The following KDM1B variants were observed in gnomAD, a reference collection of about 807,000 sequenced individuals.
KDM1B encodes lysine demethylase 1B.
KDM1B carries 63 observed loss-of-function variants against 107.4 expected under a neutral mutation model. The observed-to-expected ratio is 0.59, with a 90% CI of 0.48 to 0.72. The LOEUF (loss-of-function observed/expected upper bound fraction) is 0.72, where lower values mean the gene tolerates loss of function less well. Among genes scored for constraint, KDM1B ranks in the 30% least tolerant of loss-of-function variants. KDM1B has a pLI of 0.00. For synonymous variants in KDM1B, 363 were observed against 363.9 expected (o/e 1.00, Z 0.03); for missense variants, 749 against 1,020.8 (o/e 0.73, Z 3.63).
chr6:18,180,595 T>G (rs1162979858), intron 7 of KDM1B, among the ~76,000 whole-genome samples: 2 of 152,188 alleles, frequency 1.3e-5, no homozygotes, highest in African/African-American at 4.8e-5. Context: ...AGAAGGAGTC[T>G]TGTTCTATTG....
In KDM1B at chr6:18,213,598, T is replaced by C. The variant is rs1448076568; in HGVS notation, c.1984-58T>C. ...AGAGCTACAGGTTGCTGCTTAGATA[T>C]TGCCTGTGGTTTTGTGACGACAGAC... On this transcript the variant is annotated intron_variant, in intron 18 of 21. Coordinates refer to ENST00000650836, the MANE Select transcript of KDM1B (RefSeq NM_001364614.2). This position sits in a 1 kb window ranked among gnomAD's most constrained non-coding sequence, Gnocchi z 5.9. 3.1e-6 allele frequency: 5 copies of C among 1,598,142 alleles called. No individual in the cohort carries two copies. Among genetic ancestry groups the C allele is most frequent in the East Asian group, 2.2e-5 (1 of 44,726 alleles).
intron 6 of KDM1B, among the ~76,000 whole-genome samples, chr6:18,167,764 A>G (rs1205580153): frequency 2.0e-5 from 3 of 151,654 alleles, no homozygotes; most frequent in East Asian, 2.0e-4. Context: ...ATGAGCCACA[A>G]TGCCCAATTT....
rs748309895 is a variant in KDM1B, at chr6:18,213,626, C to T, written c.1984-30C>T. 2.4e-5 allele frequency: 38 copies of T among 1,613,148 alleles called. No homozygotes were observed. Among genetic ancestry groups the T allele is most frequent in the Non-Finnish European group, 3.1e-5 (36 of 1,179,386 alleles). On this transcript the variant is annotated intron_variant, in intron 18 of 21. Coordinates refer to ENST00000650836, the MANE Select transcript of KDM1B (RefSeq NM_001364614.2). The surrounding 1 kb of genome is among the most constrained non-coding windows in gnomAD (Gnocchi z 5.9). The stretch of plus-strand genomic sequence containing the variant: ...CCTGTGGTTTTGTGACGACAGACAC[C>T]TAACCACCTTTCTTCTGCTCACTTT...
intron 7 of KDM1B, among the ~76,000 whole-genome samples, chr6:18,175,399 A>G (rs1029862940): frequency 3.3e-5 from 5 of 152,060 alleles, no homozygotes; most frequent in African/African-American, 1.2e-4. Context: ...TGTCAGATGT[A>G]TAGGTTGTGA....
chr6:18,193,981 C>T (rs777124092), intron 10 of KDM1B, among the ~76,000 whole-genome samples: 38 of 151,976 alleles, frequency 2.5e-4, no homozygotes, highest in Non-Finnish European at 4.3e-4. Context: ...TCAAGCGATT[C>T]TCCTGCCTCA....
chr6:18,208,033 A>G lies in KDM1B; in HGVS notation c.1792-99A>G, dbSNP rs1226859002. On this transcript the variant is annotated intron_variant, in intron 16 of 21. Coordinates refer to ENST00000650836, the MANE Select transcript of KDM1B (RefSeq NM_001364614.2). The stretch of plus-strand genomic sequence containing the variant: ...TGAATGCCAGGAAAAGATTCCCCTT[A>G]GCCTTGGAGATGTAAATTCATGTAA... 6 of 860,484 alleles carry G rather than the reference A, an allele frequency of 7.0e-6. No individual in the cohort carries two copies. The African/African-American group carries it at 8.3e-5, about 12-fold the overall frequency. The allele number at this position is 860,484 out of a possible 1,614,324, so 53.3% of individuals were successfully genotyped here. A position where few individuals can be genotyped will look rare whatever the true frequency, so the allele number is the denominator to read the frequency against.
chr6:18,182,082 C>T lies in KDM1B; in HGVS notation c.535-3690C>T, dbSNP rs573993612. Among the ~76,000 whole-genome samples the T allele has an allele frequency of 6.6e-5, 10 of 152,272 alleles. No individual in the cohort carries two copies. In the East Asian group the frequency reaches 1.9e-3, roughly 29 times the overall value. On this transcript the variant is annotated intron_variant, in intron 7 of 21. Transcript: ENST00000650836. ...TGAAACCTGGCTGGCTGTATTTTAA[C>T]ATCAAGCATTTTTTTCCAGGAGGGC...
Position 18,197,289 on chromosome 6 carries a change from C to A in KDM1B, c.1146+56C>A. ...GCCATTGATCAGGACAAACGCTAGT[C>A]TGTTGCTGTTAATAAATATAGTAAA... On this transcript the variant is annotated intron_variant, in intron 11 of 21. Coordinates refer to ENST00000650836, the MANE Select transcript of KDM1B (RefSeq NM_001364614.2). The surrounding 1 kb of genome is among the most constrained non-coding windows in gnomAD (Gnocchi z 4.5). 6.9e-7 allele frequency: 1 copy of A among 1,455,446 alleles called. No individual in the cohort carries two copies. The highest frequency in any genetic ancestry group is 1.2e-5 in the South Asian group (1 of 81,940). 90.2% of individuals were successfully genotyped at this position (1,455,446 alleles called of 1,614,324 possible). A position where few individuals can be genotyped will look rare whatever the true frequency, so the allele number is the denominator to read the frequency against.
In KDM1B at chr6:18,191,778, A is replaced by G. The variant is rs370886074; in HGVS notation, c.969+397A>G. On this transcript the variant is annotated intron_variant, in intron 10 of 21. Coordinates refer to ENST00000650836, the MANE Select transcript of KDM1B (RefSeq NM_001364614.2). This position sits in a 1 kb window ranked among gnomAD's most constrained non-coding sequence, Gnocchi z 5.1. ...AATGGCAATGGCAGGAGGGAAAAAC[A>G]TCAAAGATTGAATTACATACAAATC... Among the ~76,000 whole-genome samples, 1 of 152,168 alleles carries G rather than the reference A, an allele frequency of 6.6e-6. No homozygotes were observed. The highest frequency in any genetic ancestry group is 2.4e-5 in the African/African-American group (1 of 41,428).
chr6:18,155,557 C>T lies in KDM1B; in HGVS notation c.-72C>T, dbSNP rs1305567754. 1 of 152,870 alleles carries T rather than the reference C, an allele frequency of 6.5e-6. No individual in the cohort carries two copies. Among genetic ancestry groups the T allele is most frequent in the Non-Finnish European group, 1.5e-5 (1 of 68,070 alleles). 9.5% of individuals were successfully genotyped at this position (152,870 alleles called of 1,614,324 possible). On this transcript the variant is annotated 5_prime_UTR_variant, in exon 1 of 22. Transcript: ENST00000650836. This position sits in a 1 kb window ranked among gnomAD's most constrained non-coding sequence, Gnocchi z 6.2. The stretch of plus-strand genomic sequence containing the variant: ...CAGTCCAGGGCGGCGCGCACCGCCT[C>T]GCTGGCGCTCAGAGGTGGGAGGCTC...
Position 18,205,527 on chromosome 6 carries a change from C to T in KDM1B, c.1532-10C>T. 2 of 1,546,498 alleles carry T rather than the reference C, an allele frequency of 1.3e-6. No homozygotes were observed. The highest frequency in any genetic ancestry group is 1.7e-6 in the Non-Finnish European group (2 of 1,144,726). Reference sequence around the variant, plus strand: ...CTATTTTTTTCTGCTTTGATCCATTCCCATTACAGAAAAGATAGAAGAAAT... The same window carrying T: ...CTATTTTTTTCTGCTTTGATCCATTTCCATTACAGAAAAGATAGAAGAAAT... On this transcript the variant is annotated splice_polypyrimidine_tract_variant and intron_variant, in intron 14 of 21. Coordinates refer to ENST00000650836, the MANE Select transcript of KDM1B (RefSeq NM_001364614.2). This position sits in a 1 kb window ranked among gnomAD's most constrained non-coding sequence, Gnocchi z 5.7.
rs748774757 is a variant in KDM1B, at chr6:18,215,019, G to A, written c.2122G>A (p.Val708Met). 24 of 1,613,910 alleles carry A rather than the reference G, an allele frequency of 1.5e-5. No homozygotes were observed. The highest frequency in any genetic ancestry group is 9.3e-5 in the African/African-American group (7 of 74,932). The change falls in exon 20 of 22, where the codon GTG (valine) becomes ATG (methionine). Residue 708 changes from valine (V) to methionine (M), a missense_variant. Val to Met is a conservative substitution (Grantham distance 21). Transcript: ENST00000650836. ...TTCATGTCTCCAGAAGAAGCACAGC[G>A]TGCTGATGTCTGTGATTGCCGGGGA... ...YDMDPQKKHS[V>M]LMSVIAGEAV...
At chr6:18,168,138 C>T (rs184447771) in intron 6 of KDM1B, among the ~76,000 whole-genome samples, 126 of 152,244 alleles carry the variant, frequency 8.3e-4, no homozygotes, top group East Asian at 1.5e-3. Flanking sequence ...AAGTAAAATT[C>T]GTATAACATA....
rs70974711 is a variant in KDM1B at position 18,199,008 on chromosome 6, GAAAAA to G, written c.1221+1368_1221+1372del. ...ACATGGCAAAACCCTGTCTCTACCAGAAAAAAAAAAAAAAAAAAAAAAAAAGAAAA... is the reference window on the plus strand; with the variant it reads ...ACATGGCAAAACCCTGTCTCTACCAGAAAAAAAAAAAAAAAAAAAAGAAAA... On this transcript the variant is annotated intron_variant, in intron 12 of 21. Coordinates refer to ENST00000650836, the MANE Select transcript of KDM1B (RefSeq NM_001364614.2). 7.8e-4 allele frequency among the ~76,000 whole-genome samples: 58 copies of G among 74,694 alleles called. No homozygotes were observed. The East Asian group carries it at 0.011, about 14-fold the overall frequency. 49.0% of individuals were successfully genotyped at this position (74,694 alleles called of 152,430 possible). A position where few individuals can be genotyped will look rare whatever the true frequency, so the allele number is the denominator to read the frequency against.
At chr6:18,184,886 C>T (rs1375347790) in intron 7 of KDM1B, among the ~76,000 whole-genome samples, 1 of 151,670 alleles carries the variant, frequency 6.6e-6, no homozygotes, top group South Asian at 2.1e-4. Flanking sequence ...CAGGCATGCA[C>T]CACCAAGCCT....
At chr6:18,208,615 ATATATATATATATTTTTTTTTTTTTTT>A (rs1349646271) in intron 17 of KDM1B, among the ~76,000 whole-genome samples, 1 of 31,790 alleles carries the variant, frequency 3.1e-5, no homozygotes, top group African/African-American at 1.3e-4. Flanking sequence ...ATATATATAT[ATATATATATATATTTTTTTTTTTTTTT>A]TTTTTTTTTT....
intron 20 of KDM1B, among the ~76,000 whole-genome samples, chr6:18,215,560 T>G (rs1005675020): frequency 6.6e-6 from 1 of 152,124 alleles, no homozygotes; most frequent in African/African-American, 2.4e-5. Context: ...CGACCTCACT[T>G]TAAAGTAATT....
In KDM1B at chr6:18,197,062, T is replaced by C; in HGVS notation, c.975T>C (p.Ala325=). The change falls in exon 11 of 22, where the codon GCT becomes GCC. Residue 325 remains alanine (A), a synonymous_variant. Coordinates refer to ENST00000650836, the MANE Select transcript of KDM1B (RefSeq NM_001364614.2). This position sits in a 1 kb window ranked among gnomAD's most constrained non-coding sequence, Gnocchi z 4.5. ...GGTTTTATTTCCAAACACAGGAAGC[T>C]CTTACTCCTCAGAAATGTATTCCTC... ...LALWYTNCKE[A]LTPQKCIPHI... is the part of the protein sequence containing the mutation. 6.2e-7 allele frequency: 1 copy of C among 1,605,658 alleles called. No individual in the cohort carries two copies.
In KDM1B at chr6:18,221,909, G is replaced by A. The variant is rs1789783869; in HGVS notation, c.2386G>A (p.Ala796Thr). 1.3e-6 allele frequency: 2 copies of A among 1,598,314 alleles called. No homozygotes were observed. The highest frequency in any genetic ancestry group is 8.5e-7 in the Non-Finnish European group (1 of 1,170,870). ...IQGTVFFAGE[A>T]TNRHFPQTVT... ...CAAATTATGTAATTATGTTTTACAGGCAACAAACAGGCATTTCCCACAAAC... is the reference window on the plus strand; with the variant it reads ...CAAATTATGTAATTATGTTTTACAGACAACAAACAGGCATTTCCCACAAAC... Residue 796 changes from alanine (A) to threonine (T), a missense_variant and splice_region_variant, in exon 22 of 22, where the codon GCA (alanine) becomes ACA (threonine). By Grantham distance (58) the Ala-to-Thr change is moderately conservative. Coordinates refer to ENST00000650836, the MANE Select transcript of KDM1B (RefSeq NM_001364614.2).
Sources: allele counts gnomAD v4.1 joint callset (sites outside exome capture counted in the v4.1 genomes callset), GRCh38; gene constraint gnomAD v4.1.1; non-coding constraint Gnocchi (gnomAD v3.1); transcripts MANE v1.5; gene names NCBI Gene and HGNC (gene_info 2026-07-23, HGNC 2026-07-21).